TBX21: variants seen among roughly 807,000 people sequenced by gnomAD.
TBX21 encodes T-box transcription factor TBX21.
TBX21 carries 11 observed loss-of-function variants against 52.2 expected under a neutral mutation model. The observed-to-expected ratio is 0.21, with a 90% CI of 0.13 to 0.35. The LOEUF (loss-of-function observed/expected upper bound fraction) is 0.35, where lower values mean the gene tolerates loss of function less well. Ranked by LOEUF, TBX21 falls within the 10% of genes least tolerant of loss-of-function variation. The pLI is 1.00. For synonymous variants in TBX21, 300 were observed against 316.1 expected (o/e 0.95, Z 0.54); for missense variants, 625 against 755.1 (o/e 0.83, Z 2.02).
intron 1 of TBX21, among the ~76,000 whole-genome samples, chr17:47,734,845 G>A (rs945578975): frequency 1.3e-5 from 2 of 152,110 alleles, no homozygotes; most frequent in African/African-American, 2.4e-5. Flanking sequence ...GGTGTCCCAT[G>A]GCTTCATGGC....
chr17:47,743,953 C>T (rs1350010705), intron 3 of TBX21, among the ~76,000 whole-genome samples: 8 of 151,386 alleles, frequency 5.3e-5, no homozygotes, highest in Non-Finnish European at 1.2e-4. Flanking sequence ...TGTGCTGATA[C>T]CTTGGTCTCA....
Position 47,733,500 on chromosome 17 carries a change from G to T in TBX21, c.46G>T (p.Glu16Ter). The T allele has an allele frequency of 6.7e-7, 1 of 1,495,432 alleles. No homozygotes were observed. Among genetic ancestry groups the T allele is most frequent in the Non-Finnish European group, 8.9e-7 (1 of 1,128,304 alleles). The allele number at this position is 1,495,432 out of a possible 1,614,324, so 92.6% of individuals were successfully genotyped here. A position where few individuals can be genotyped will look rare whatever the true frequency, so the allele number is the denominator to read the frequency against. ...TTGCGGAGACATGCTGACGGGCACC[G>T]AGCCGATGCCGGGGAGCGACGAGGG... ...PGCGDMLTGT[E>*]PMPGSDEGRA... Residue 16 changes from glutamate (E) to a stop codon, truncating the protein, a stop_gained, in exon 1 of 6, where the codon GAG (glutamate) becomes TAG (stop). Coordinates refer to ENST00000177694, the MANE Select transcript of TBX21 (RefSeq NM_013351.2). LOFTEE classifies it high-confidence loss of function. The surrounding 1 kb of genome is among the most constrained non-coding windows in gnomAD (Gnocchi z 6.6).
chr17:47,739,427 C>T (rs978771487), intron 1 of TBX21, among the ~76,000 whole-genome samples: 12 of 151,940 alleles, frequency 7.9e-5, no homozygotes, highest in African/African-American at 2.9e-4. Context: ...GGCATTTGAG[C>T]AGAGCCTGTG....
intron 1 of TBX21, among the ~76,000 whole-genome samples, chr17:47,737,705 A>G (rs924893173): frequency 1.3e-5 from 2 of 151,574 alleles, no homozygotes; most frequent in East Asian, 1.9e-4. Flanking sequence ...GGCTCACTGC[A>G]ACCTGCACCT....
In TBX21 at chr17:47,743,295, T is replaced by A. The variant is rs1597985606; in HGVS notation, c.768+103T>A. 57 of 1,471,358 alleles carry A rather than the reference T, an allele frequency of 3.9e-5. No homozygotes were observed. The East Asian group carries it at 1.3e-3, about 32-fold the overall frequency. 91.1% of individuals were successfully genotyped at this position (1,471,358 alleles called of 1,614,324 possible). ...TGCGGGGCCAGTTTGGTTCATTTTT[T>A]CTTCCTTCCTACAGGAAGGAAGGTT... On this transcript the variant is annotated intron_variant, in intron 3 of 5. Coordinates refer to ENST00000177694, the MANE Select transcript of TBX21 (RefSeq NM_013351.2).
At position 47,742,538 on chromosome 17, in the gene TBX21, G is replaced by T; in HGVS notation, c.492-72G>T. 6.7e-7 allele frequency: 1 copy of T among 1,491,092 alleles called. No individual in the cohort carries two copies. Among genetic ancestry groups the T allele is most frequent in the Non-Finnish European group, 9.0e-7 (1 of 1,112,320 alleles). 92.4% of individuals were successfully genotyped at this position (1,491,092 alleles called of 1,614,324 possible). On this transcript the variant is annotated intron_variant, in intron 1 of 5. Transcript: ENST00000177694. This position sits in a 1 kb window ranked among gnomAD's most constrained non-coding sequence, Gnocchi z 4.4. ...GCTACAGCACACCACTGATGCCTGG[G>T]CACTGTTGCAGGGGGGACTGGCTGT...
intron 1 of TBX21, among the ~76,000 whole-genome samples, chr17:47,734,385 A>T (rs1256546212): frequency 6.6e-6 from 1 of 151,080 alleles, no homozygotes; most frequent in Non-Finnish European, 1.5e-5. Flanking sequence ...CCCTGCGCCC[A>T]CCTCCCCCGG....
chr17:47,738,203 G>A (rs532960608), intron 1 of TBX21, among the ~76,000 whole-genome samples: 1 of 152,216 alleles, frequency 6.6e-6, no homozygotes, highest in Admixed American at 6.5e-5. Flanking sequence ...TGTCACCCAC[G>A]CTGGAGTGCA....
chr17:47,744,476 C>T lies in TBX21; in HGVS notation c.928-6C>T. On this transcript the variant is annotated splice_polypyrimidine_tract_variant and splice_region_variant and intron_variant, in intron 4 of 5. Transcript: ENST00000177694. ...ACTCAGGTGACTCTATTTCCCTTCT[C>T]TCTAGATTACTCAGCTGAAAATTGA... 1 of 1,614,196 alleles carries T rather than the reference C, an allele frequency of 6.2e-7. No homozygotes were observed. Among genetic ancestry groups the T allele is most frequent in the Non-Finnish European group, 8.5e-7 (1 of 1,180,044 alleles).
At chr17:47,741,102 G>A (rs995303176) in intron 1 of TBX21, among the ~76,000 whole-genome samples, 1 of 152,200 alleles carries the variant, frequency 6.6e-6, no homozygotes, top group African/African-American at 2.4e-5. Flanking sequence ...GAAGAGAAAG[G>A]CTAAGCCATT....
Position 47,733,602 on chromosome 17 carries a change from G to T in TBX21, c.148G>T (p.Gly50Trp). 1 of 1,450,716 alleles carries T rather than the reference G, an allele frequency of 6.9e-7. No individual in the cohort carries two copies. Among genetic ancestry groups the T allele is most frequent in the South Asian group, 1.4e-5 (1 of 72,982 alleles). 89.9% of individuals were successfully genotyped at this position (1,450,716 alleles called of 1,614,324 possible). Residue 50 changes from glycine to tryptophan, a missense_variant, in exon 1 of 6, where the codon GGG (glycine) becomes TGG (tryptophan). Gly to Trp is a radical substitution (Grantham distance 184). Transcript: ENST00000177694. This position sits in a 1 kb window ranked among gnomAD's most constrained non-coding sequence, Gnocchi z 6.6. ...PGAQDADERR[G>W]GGSLGSPYPG... ...CGCGCAGGACGCGGACGAGCGTCGC[G>T]GGGGCGGCAGCCTGGGGTCTCCCTA...
chr17:47,738,502 G>T (rs187807244), intron 1 of TBX21, among the ~76,000 whole-genome samples: 17 of 152,196 alleles, frequency 1.1e-4, no homozygotes, highest in African/African-American at 4.1e-4. Context: ...ACGACACATT[G>T]CCAGAATACC....
chr17:47,734,284 G>A, intron 1 of TBX21, among the ~76,000 whole-genome samples: 1 of 152,134 alleles, frequency 6.6e-6, no homozygotes, highest in African/African-American at 2.4e-5. Flanking sequence ...GAGTCGCAGC[G>A]GGCAGTGAAA....
At position 47,733,521 on chromosome 17, in the gene TBX21, G is replaced by A. The variant is rs1452253362; in HGVS notation, c.67G>A (p.Glu23Lys). ...TGTEPMPGSDEGRAPGADPQH... is the reference protein window; with the variant it reads ...TGTEPMPGSDKGRAPGADPQH... Reference sequence around the variant, plus strand: ...CACCGAGCCGATGCCGGGGAGCGACGAGGGCCGGGCGCCTGGCGCCGACCC... The same window carrying A: ...CACCGAGCCGATGCCGGGGAGCGACAAGGGCCGGGCGCCTGGCGCCGACCC... The change falls in exon 1 of 6, where the codon GAG becomes AAG. Residue 23 changes from glutamate to lysine, a missense_variant. Physicochemically the swap from Glu to Lys is moderately conservative, Grantham distance 56. Around this residue, in one of 4 missense-constraint regions of TBX21, gnomAD observed 221 missense variants for 204.9 expected, o/e 1.08. Transcript: ENST00000177694. This position sits in a 1 kb window ranked among gnomAD's most constrained non-coding sequence, Gnocchi z 6.6. 3 of 1,492,938 alleles carry A rather than the reference G, an allele frequency of 2.0e-6. No individual in the cohort carries two copies. The highest frequency in any genetic ancestry group is 2.7e-6 in the Non-Finnish European group (3 of 1,127,470). The allele number at this position is 1,492,938 out of a possible 1,614,324, so 92.5% of individuals were successfully genotyped here. A position where few individuals can be genotyped will look rare whatever the true frequency, so the allele number is the denominator to read the frequency against.
chr17:47,744,608 A>T, intron 5 of TBX21, 65 bp downstream of exon 5: 1 of 1,610,284 alleles, frequency 6.2e-7, no homozygotes, highest in Non-Finnish European at 8.5e-7. Context: ...CCTGCCCCTG[A>T]AAACAGGAGG....
intron 1 of TBX21, among the ~76,000 whole-genome samples, chr17:47,736,694 G>GA (rs2032210493): frequency 6.6e-6 from 1 of 151,958 alleles, no homozygotes; most frequent in Non-Finnish European, 1.5e-5. Context: ...TCTCAGCTTG[G>GA]GCTCCTGAGA....
At position 47,734,554 on chromosome 17, in the gene TBX21, G is replaced by GGTGTGTGTGT. The variant is rs55690005; in HGVS notation, c.491+656_491+665dup. Among the ~76,000 whole-genome samples, 290 of 102,978 alleles carry GGTGTGTGTGT rather than the reference G, an allele frequency of 2.8e-3. 7 individuals are homozygous for GGTGTGTGTGT. Among genetic ancestry groups the GGTGTGTGTGT allele is most frequent in the East Asian group, 8.7e-3 (29 of 3,340 alleles). 67.6% of individuals were successfully genotyped at this position (102,978 alleles called of 152,430 possible). On this transcript the variant is annotated intron_variant, in intron 1 of 5. Coordinates refer to ENST00000177694, the MANE Select transcript of TBX21 (RefSeq NM_013351.2). Reference sequence around the variant, plus strand: ...GGTCTTACTTTGAGATCATATGTCTGGTGTGTGTGTGTGTGTGTGTGTGTG... The same window carrying GGTGTGTGTGT: ...GGTCTTACTTTGAGATCATATGTCTGGTGTGTGTGTGTGTGTGTGTGTGTGTGTGTGTGTG...
chr17:47,740,256 T>C lies in TBX21; in HGVS notation c.492-2354T>C, dbSNP rs150401529. On this transcript the variant is annotated intron_variant, in intron 1 of 5. Transcript: ENST00000177694. ...TAATTTTCTGTATTTTTAGTAAATA[T>C]GGGGTTTCACTATGTTGGCCAGGCT... 9.0e-3 allele frequency among the ~76,000 whole-genome samples: 1,369 copies of C among 151,972 alleles called. 11 individuals carry two copies. Among genetic ancestry groups the C allele is most frequent in the Non-Finnish European group, 0.014 (934 of 67,966 alleles).
Position 47,745,228 on chromosome 17 carries a change from A to G in TBX21, c.1470A>G (p.Ser490=), listed in dbSNP as rs142308372. 7 of 1,614,108 alleles carry G rather than the reference A, an allele frequency of 4.3e-6. No homozygotes were observed. In the African/African-American group the frequency reaches 9.3e-5, roughly 22 times the overall value. The change falls in exon 6 of 6, where the codon TCA becomes TCG. Residue 490 remains serine (S), a synonymous_variant. Coordinates refer to ENST00000177694, the MANE Select transcript of TBX21 (RefSeq NM_013351.2). The part of the protein sequence containing the change: ...IAPIRPESSD[S]GLGEGDSKRR... ...CCATCCGGCCGGAATCCAGTGATTC[A>G]GGACTGGGCGAAGGAGACTCTAAGA...
Sources: gnomAD v4.1 joint callset for allele counts (sites outside exome capture counted in the v4.1 genomes callset) on GRCh38, gnomAD v4.1.1 for gene constraint, gnomAD v4.1.1 regional missense constraint, Gnocchi (gnomAD v3.1) non-coding constraint, MANE v1.5 for transcripts, NCBI Gene and HGNC (gene_info 2026-07-23, HGNC 2026-07-21) for gene names.